DNAH5: variants seen among roughly 807,000 people sequenced by gnomAD.
The protein encoded by DNAH5 is dynein axonemal heavy chain 5.
In DNAH5, 372 loss-of-function variants were observed where a neutral mutation model predicts 518.2. The observed-to-expected ratio is 0.72, with a 90% confidence interval of 0.66 to 0.78. The LOEUF is 0.78. Among genes scored for constraint, DNAH5 ranks in the 30% least tolerant of loss-of-function variants. The pLI is 0.00. For missense variants in DNAH5, 5,523 were observed against 5,687.0 expected (o/e 0.97, Z 0.93); for synonymous variants, 2,039 against 2,025.9 (o/e 1.01, Z -0.17).
chr5:13,808,111 T>C (rs1022177619), intron 46 of DNAH5, among the ~76,000 whole-genome samples: 2 of 150,818 alleles, frequency 1.3e-5, no homozygotes, highest in East Asian at 2.0e-4. Context: ...GCACCTGTAA[T>C]CCCAGCTACT....
intron 1 of DNAH5, among the ~76,000 whole-genome samples, chr5:13,961,615 G>A: frequency 6.6e-6 from 1 of 151,948 alleles, no homozygotes; most frequent in Admixed American, 6.6e-5. Context: ...CTGCGCTCCA[G>A]CCCGGGTGAC....
chr5:13,868,428 G>A (rs4701995), intron 24 of DNAH5, among the ~76,000 whole-genome samples: 59,425 of 152,052 alleles, frequency 0.39, 12,023 homozygotes, highest in South Asian at 0.46. Context: ...TCACGTGATC[G>A]ATAAGAGGTT....
chr5:13,995,492 C>G lies in DNAH5; in HGVS notation c.12+16156G>C, dbSNP rs75896456. Among the ~76,000 whole-genome samples the G allele has an allele frequency of 7.7e-3, 1,172 of 152,176 alleles. 21 individuals are homozygous for G. Among genetic ancestry groups the G allele is most frequent in the African/African-American group, 0.027 (1,111 of 41,524 alleles). On this transcript the variant is annotated intron_variant, in intron 1 of 78. Coordinates refer to the DNAH5 transcript ENST00000681290. Reference sequence around the variant, plus strand: ...TAGTGGGGCCTGAGGCTTATGCAAACTGAAGGGTCCATATTAAGAAAGAGA... The same window carrying G: ...TAGTGGGGCCTGAGGCTTATGCAAAGTGAAGGGTCCATATTAAGAAAGAGA...
At chr5:13,753,009 T>C (rs1378390074) in intron 63 of DNAH5, among the ~76,000 whole-genome samples, 1 of 152,210 alleles carries the variant, frequency 6.6e-6, no homozygotes, top group Non-Finnish European at 1.5e-5. Flanking sequence ...CAGAATAGCC[T>C]GAAACCATTG....
At position 13,871,134 on chromosome 5, in the gene DNAH5, A is replaced by G. The variant is rs560045176; in HGVS notation, c.3599-132T>C. Reference sequence around the variant, plus strand: ...TCTAACCCACAAAAAATTGAACTGGAAAAAATCATAATTTTTCCTACTCAT... The same window carrying G: ...TCTAACCCACAAAAAATTGAACTGGGAAAAATCATAATTTTTCCTACTCAT... On this transcript the variant is annotated intron_variant, in intron 23 of 78. Coordinates refer to ENST00000265104, the MANE Select transcript of DNAH5 (RefSeq NM_001369.3). 36 of 669,580 alleles carry G rather than the reference A, an allele frequency of 5.4e-5. No homozygotes were observed. The South Asian group carries it at 6.6e-4, about 12-fold the overall frequency. 41.5% of individuals were successfully genotyped at this position (669,580 alleles called of 1,614,324 possible).
In DNAH5 at chr5:13,844,852, G is replaced by C. The variant is rs375664100; in HGVS notation, c.5256C>G (p.Val1752=). The change falls in exon 32 of 79, where the codon GTC becomes GTG. Residue 1752 remains valine (V), a synonymous_variant. Coordinates refer to ENST00000265104, the MANE Select transcript of DNAH5 (RefSeq NM_001369.3). ...TTAGGCGAACCTTTTCGTGGAACTT[G>C]ACAGATTTAATGTTGTCAAACACAT... ...LLNVFDNIKS[V]KFHEKIYDRI... 7 of 1,614,072 alleles carry C rather than the reference G, an allele frequency of 4.3e-6. No homozygotes were observed. The highest frequency in any genetic ancestry group is 1.3e-5 in the African/African-American group (1 of 74,930).
At chr5:13,830,829 C>T (rs1190458264) in intron 35 of DNAH5, 54 bp from the exon 36 acceptor site, 1 of 1,571,932 alleles carries the variant, frequency 6.4e-7, no homozygotes, top group Non-Finnish European at 8.7e-7. Context: ...GGAAATACTT[C>T]TGAGACATCA....
chr5:13,904,904 C>T (rs11744909), intron 12 of DNAH5, among the ~76,000 whole-genome samples: 39,021 of 151,682 alleles, frequency 0.26, 5,183 homozygotes, highest in South Asian at 0.36. Flanking sequence ...GAGCAAGACC[C>T]TGTTTCAAAA....
At chr5:13,793,438 TGGG>T in intron 49 of DNAH5, 74 bp downstream of exon 49, 1 of 1,249,052 alleles carries the variant, frequency 8.0e-7, no homozygotes. Flanking sequence ...GTGTGGGTCT[TGGG>T]TGAAGATTTT....
At chr5:13,730,773 G>A (rs936986061) in intron 68 of DNAH5, among the ~76,000 whole-genome samples, 7 of 145,812 alleles carry the variant, frequency 4.8e-5, no homozygotes, top group East Asian at 2.0e-4. Flanking sequence ...GCGTGATCTC[G>A]GCTCACAACA....
At chr5:13,888,885 T>C (rs1241585809) in intron 17 of DNAH5, among the ~76,000 whole-genome samples, 2 of 152,156 alleles carry the variant, frequency 1.3e-5, no homozygotes, top group Non-Finnish European at 2.9e-5. Context: ...TAGCAAAACT[T>C]TGGAAGCCAT....
At chr5:13,983,652 G>A (rs1782838797) in intron 1 of DNAH5, among the ~76,000 whole-genome samples, 1 of 152,136 alleles carries the variant, frequency 6.6e-6, no homozygotes, top group South Asian at 2.1e-4. Context: ...AAAACCTCTA[G>A]GCTATGGGAA....
At chr5:14,011,245 G>T (rs1174641770) in intron 1 of DNAH5, among the ~76,000 whole-genome samples, 1 of 152,140 alleles carries the variant, frequency 6.6e-6, no homozygotes, top group African/African-American at 2.4e-5. Flanking sequence ...ACACAAAAGC[G>T]ACCTTCGCCA....
At chr5:13,854,270 A>C (rs896858562) in intron 30 of DNAH5, among the ~76,000 whole-genome samples, 1 of 152,208 alleles carries the variant, frequency 6.6e-6, no homozygotes, top group Admixed American at 6.5e-5. Context: ...AGCCAAACTA[A>C]GCTTCATAAA....
intron 19 of DNAH5, 50 bp downstream of exon 19, chr5:13,884,939 C>T: frequency 1.2e-6 from 2 of 1,612,758 alleles, no homozygotes; most frequent in Non-Finnish European, 8.5e-7. Flanking sequence ...CACACATACC[C>T]CAGCAACTAT....
chr5:13,692,344 C>A (rs1579766396), intron 78 of DNAH5, among the ~76,000 whole-genome samples: 1 of 152,270 alleles, frequency 6.6e-6, no homozygotes, highest in East Asian at 1.9e-4. Context: ...GACACCCAGA[C>A]AGCCTCTGGT....
At chr5:13,837,825 C>T (rs1029256602) in intron 35 of DNAH5, among the ~76,000 whole-genome samples, 18 of 151,384 alleles carry the variant, frequency 1.2e-4, no homozygotes, top group Admixed American at 5.9e-4. Flanking sequence ...CTCAGCCTCC[C>T]GAGTAGCCGG....
Position 13,794,954 on chromosome 5 carries a change from G to A in DNAH5, c.7888-896C>T, listed in dbSNP as rs191809367. 7.4e-3 allele frequency among the ~76,000 whole-genome samples: 1,133 copies of A among 152,252 alleles called. 14 individuals are homozygous for A. The highest frequency in any genetic ancestry group is 0.026 in the African/African-American group (1,063 of 41,528). ...TGCACTCCAGCCTGGGCGACAGAGC[G>A]AGACTCCGTCTCAAAATAAATAAAT... On this transcript the variant is annotated intron_variant, in intron 47 of 78. Transcript: ENST00000265104.
At position 13,830,146 on chromosome 5, in the gene DNAH5, C is replaced by T. The variant is rs141459197; in HGVS notation, c.6129G>A (p.Ser2043=). Residue 2043 remains serine, a synonymous_variant, in exon 37 of 79, where the codon TCG becomes TCA. Coordinates refer to ENST00000265104, the MANE Select transcript of DNAH5 (RefSeq NM_001369.3). ...EFNRIDLPVL[S]VAAQQISIIL... ...TAATGGAAATTTGCTGGGCTGCAAC[C>T]GAGAGAACTGGTAGATCAATACGGT... 1.9e-5 allele frequency: 30 copies of T among 1,613,910 alleles called. No homozygotes were observed. The highest frequency in any genetic ancestry group is 5.3e-5 in the African/African-American group (4 of 74,978).
Sources: allele counts gnomAD v4.1 joint callset (sites outside exome capture counted in the v4.1 genomes callset), GRCh38; gene constraint gnomAD v4.1.1; transcripts MANE v1.5; gene names NCBI Gene and HGNC (gene_info 2026-07-23, HGNC 2026-07-21).